CALD1: variants seen among roughly 807,000 people sequenced by gnomAD.
CALD1 encodes caldesmon 1.
CALD1 carries 33 observed loss-of-function variants against 99.9 expected under a neutral mutation model. The observed-to-expected ratio is 0.33, with a 90% CI of 0.25 to 0.44. The LOEUF (loss-of-function observed/expected upper bound fraction) is 0.44, where lower values mean the gene tolerates loss of function less well. Among genes scored for constraint, CALD1 ranks in the 20% least tolerant of loss-of-function variants. The pLI, the probability that CALD1 is intolerant of heterozygous loss-of-function variation, is 1.00. For synonymous variants in CALD1, 310 were observed against 325.0 expected, an observed-to-expected ratio of 0.95 and a Z score of 0.50; for missense variants, 861 against 962.1, an observed-to-expected ratio of 0.89 and a Z score of 1.39.
chr7:134,933,869 C>G lies in CALD1; in HGVS notation c.1100C>G (p.Ala367Gly), dbSNP rs939502622. ...QRIKEEEKRA[A>G]EERQRARAEE... ...ATAAAAGAGGAAGAGAAAAGGGCAGCAGAGGAGAGGCAAAGGGCCAGGGCA... is the reference window on the plus strand; with the variant it reads ...ATAAAAGAGGAAGAGAAAAGGGCAGGAGAGGAGAGGCAAAGGGCCAGGGCA... The change falls in exon 5 of 15, where the codon GCA (alanine) becomes GGA (glycine). Residue 367 changes from alanine to glycine, a missense_variant. By Grantham distance (60) the Ala-to-Gly change is moderately conservative (BLOSUM62 0). Around this residue, in one of 5 missense-constraint regions of CALD1, gnomAD observed 21 missense variants for 47.5 expected, o/e 0.44. Coordinates refer to ENST00000361675, the MANE Select transcript of CALD1 (RefSeq NM_033138.4). The G allele has an allele frequency of 1.2e-6, 2 of 1,612,116 alleles. No individual in the cohort carries two copies. The highest frequency in any genetic ancestry group is 1.7e-6 in the Non-Finnish European group (2 of 1,179,106).
chr7:134,934,094 G>A lies in CALD1; in HGVS notation c.1308+17G>A. On this transcript the variant is annotated intron_variant, in intron 5 of 14. Transcript: ENST00000361675. ...AAGAAACAGGTACAGTAAACATTTT[G>A]CACCAAATGTGTGATGCCTGTGACT... 1 of 1,591,090 alleles carries A rather than the reference G, an allele frequency of 6.3e-7. No homozygotes were observed. The highest frequency in any genetic ancestry group is 2.2e-5 in the East Asian group (1 of 44,740).
At chr7:134,713,016 C>T in the CALD1 span, among the ~76,000 whole-genome samples, 1 of 152,136 alleles carries the variant, frequency 6.6e-6, no homozygotes, top group Admixed American at 6.5e-5. Context: ...ATATATATAA[C>T]CTGGGAGAAG....
Position 134,933,126 on chromosome 7 carries a change from G to A in CALD1, c.357G>A (p.Lys119=), listed in dbSNP as rs1586350721. 1 of 1,613,792 alleles carries A rather than the reference G, an allele frequency of 6.2e-7. No individual in the cohort carries two copies. The highest frequency in any genetic ancestry group is 1.7e-5 in the Admixed American group (1 of 59,970). ...TTCAGGAGGCTCTGGAGCGGCAGAA[G>A]GAGTTCGACCCAACAATAACAGATG... The part of the protein sequence containing the change: ...KRLQEALERQ[K]EFDPTITDAS... Residue 119 remains lysine (K), a synonymous_variant, in exon 5 of 15, where the codon AAG becomes AAA. Transcript: ENST00000361675.
chr7:134,712,006 GGAGGGAGGGAAGGAGGGAGA>G, the CALD1 span, among the ~76,000 whole-genome samples: 790 of 129,164 alleles, frequency 6.1e-3, 17 homozygotes, highest in South Asian at 0.066. Context: ...AAGAAGGAAA[GGAGGGAGGGAAGGAGGGAGA>G]GAGGGAGGGA....
chr7:134,946,338 C>T (rs372471622), intron 7 of CALD1, among the ~76,000 whole-genome samples: 8 of 152,080 alleles, frequency 5.3e-5, no homozygotes, highest in African/African-American at 1.9e-4. Flanking sequence ...CAAACATCAC[C>T]TAAAATTTAC....
Position 134,836,707 on chromosome 7 carries a change from T to A in CALD1, c.-129-7177T>A, listed in dbSNP as rs1483824952. ...CGTCAGCTACTTTCCCATGAGAAGTTCAGAAATTTCATAAGACCGCAAACG... is the reference window on the plus strand; with the variant it reads ...CGTCAGCTACTTTCCCATGAGAAGTACAGAAATTTCATAAGACCGCAAACG... On this transcript the variant is annotated intron_variant, in intron 1 of 14. Coordinates refer to ENST00000361675, the MANE Select transcript of CALD1 (RefSeq NM_033138.4). 1.2e-4 allele frequency among the ~76,000 whole-genome samples: 19 copies of A among 152,188 alleles called. 1 individual carries two copies. The highest frequency in any genetic ancestry group is 1.2e-3 in the Admixed American group (19 of 15,282).
At chr7:134,938,666 G>A (rs1430780547) in intron 6 of CALD1, among the ~76,000 whole-genome samples, 1 of 152,054 alleles carries the variant, frequency 6.6e-6, no homozygotes, top group African/African-American at 2.4e-5. Context: ...AGGCTCTACG[G>A]AATTACTTTA....
chr7:134,849,452 C>T (rs1040563344), intron 2 of CALD1, among the ~76,000 whole-genome samples: 3 of 152,188 alleles, frequency 2.0e-5, no homozygotes, highest in African/African-American at 7.2e-5. Flanking sequence ...TATACAATGG[C>T]ACAGTATTTG....
intron 1 of CALD1, among the ~76,000 whole-genome samples, chr7:134,840,860 C>T (rs1799622677): frequency 6.6e-6 from 1 of 151,972 alleles, no homozygotes; most frequent in Admixed American, 6.6e-5. Context: ...TATCAAATAC[C>T]TCGCAAATAG....
rs576228234 is a variant in CALD1 at position 134,791,338 on chromosome 7, A to G, written c.-130+11589A>G. ...CAGCCTCCTGAGTAGCTGGGATTAT[A>G]GGCACACGCCACCATGCCCAGTTAA... is the stretch of plus-strand genomic sequence containing the variant. On this transcript the variant is annotated intron_variant, in intron 1 of 14. Coordinates refer to ENST00000361675, the MANE Select transcript of CALD1 (RefSeq NM_033138.4). Among the ~76,000 whole-genome samples the G allele has an allele frequency of 2.0e-4, 30 of 152,332 alleles. No homozygotes were observed. The East Asian group carries it at 5.8e-3, about 29-fold the overall frequency.
chr7:134,887,546 G>A (rs931209246), intron 3 of CALD1, among the ~76,000 whole-genome samples: 5 of 152,140 alleles, frequency 3.3e-5, no homozygotes, highest in Admixed American at 6.5e-5. Context: ...AGGTTTATGT[G>A]TTTCCATAGT....
the CALD1 span, among the ~76,000 whole-genome samples, chr7:134,716,968 AC>A: frequency 2.0e-4 from 30 of 152,196 alleles, no homozygotes; most frequent in Non-Finnish European, 4.1e-4. Flanking sequence ...ACAAGGTTTG[AC>A]CACTGAAGCT....
chr7:134,947,645 A>C lies in CALD1; in HGVS notation c.1670A>C (p.Lys557Thr). The C allele has an allele frequency of 6.3e-7, 1 of 1,577,756 alleles. No individual in the cohort carries two copies. Among genetic ancestry groups the C allele is most frequent in the Non-Finnish European group, 8.6e-7 (1 of 1,160,964 alleles). Reference protein sequence around the residue: ...ESEEFEKLKQKQQEAALELEE... With the variant: ...ESEEFEKLKQTQQEAALELEE... ...GAAGAGTTCGAGAAGCTCAAACAGA[A>C]GCAGCAGGAGGCGGCTTTGGAGCTG... Residue 557 changes from lysine (K) to threonine (T), a missense_variant, in exon 8 of 15, where the codon AAG (lysine) becomes ACG (threonine). Around this residue, in one of 5 missense-constraint regions of CALD1, gnomAD observed 293 missense variants for 262.7 expected, o/e 1.12. Coordinates refer to ENST00000361675, the MANE Select transcript of CALD1 (RefSeq NM_033138.4).
In CALD1 at chr7:134,960,074, T is replaced by G; in HGVS notation, c.2162T>G (p.Val721Gly). 6.2e-7 allele frequency: 1 copy of G among 1,614,084 alleles called. No individual in the cohort carries two copies. Among genetic ancestry groups the G allele is most frequent in the Non-Finnish European group, 8.5e-7 (1 of 1,179,948 alleles). ...NIKSMWEKGN[V>G]FSSPTAAGTP... ...AAGAGTATGTGGGAGAAAGGGAATG[T>G]GTTTTCATCCCCCACTGCAGCAGGC... Residue 721 changes from valine to glycine, a missense_variant, in exon 12 of 15, where the codon GTG becomes GGG. Physicochemically the swap from Val to Gly is moderately radical, Grantham distance 109. Transcript: ENST00000361675.
At chr7:134,825,902 C>T (rs1293061608) in intron 1 of CALD1, among the ~76,000 whole-genome samples, 4 of 152,096 alleles carry the variant, frequency 2.6e-5, no homozygotes, top group East Asian at 1.9e-4. Flanking sequence ...TTCTCAATGT[C>T]TCAGGCTATG....
intron 1 of CALD1, among the ~76,000 whole-genome samples, chr7:134,769,184 T>C (rs1796855834): frequency 6.6e-6 from 1 of 152,122 alleles, no homozygotes; most frequent in African/African-American, 2.4e-5. Context: ...TTTTTAACAA[T>C]GTTTTTACTA....
intron 3 of CALD1, among the ~76,000 whole-genome samples, chr7:134,911,404 A>C (rs1803803475): frequency 6.6e-6 from 1 of 152,126 alleles, no homozygotes; most frequent in African/African-American, 2.4e-5. Context: ...GTGTGTGTGC[A>C]CATGCTTTGG....
intron 1 of CALD1, among the ~76,000 whole-genome samples, chr7:134,760,886 G>A (rs183276499): frequency 4.6e-4 from 70 of 152,190 alleles, no homozygotes; most frequent in African/African-American, 1.6e-3. Flanking sequence ...AGAGGTATAT[G>A]TGCGGAATTA....
intron 1 of CALD1, among the ~76,000 whole-genome samples, chr7:134,810,795 C>G (rs542849846): frequency 6.6e-6 from 1 of 152,286 alleles, no homozygotes; most frequent in South Asian, 2.1e-4. Flanking sequence ...GACGATGCAG[C>G]AGCTAGGTGT....
Sources: allele counts gnomAD v4.1 joint callset (sites outside exome capture counted in the v4.1 genomes callset), GRCh38; gene constraint gnomAD v4.1.1; regional missense constraint gnomAD v4.1.1; transcripts MANE v1.5; gene names NCBI Gene and HGNC (gene_info 2026-07-23, HGNC 2026-07-21).